Variants in SCARB1 observed in about 807,000 individuals in gnomAD.
The protein encoded by SCARB1 is scavenger receptor class B member 1, also known as CD36 and LIMPII analogous 1.
In SCARB1, 30 loss-of-function variants were observed where a neutral mutation model predicts 57.2. That is an observed-to-expected ratio of 0.52 (90% CI 0.39 to 0.71). The LOEUF is 0.71. Ranked by LOEUF, SCARB1 falls within the 30% of genes least tolerant of loss-of-function variation. The probability of loss-of-function intolerance (pLI) is 0.00; values close to 1 mark genes in which losing one functional copy is unlikely to be tolerated. For missense variants in SCARB1, 543 were observed against 671.2 expected (o/e 0.81, Z 2.11); for synonymous variants, 249 against 268.3 (o/e 0.93, Z 0.70).
At chr12:124,818,989 T>C (rs1566195726) in intron 1 of SCARB1, among the ~76,000 whole-genome samples, 1 of 152,028 alleles carries the variant, frequency 6.6e-6, no homozygotes, top group Non-Finnish European at 1.5e-5. Context: ...TAGCTGGGCA[T>C]GGTGCTGCAC....
intron 8 of SCARB1, among the ~76,000 whole-genome samples, chr12:124,797,806 G>A (rs1398135131): frequency 2.0e-5 from 3 of 152,226 alleles, no homozygotes; most frequent in Non-Finnish European, 4.4e-5. Context: ...CGGCTAAGGA[G>A]GCCTGGGAGG....
At chr12:124,844,797 A>AT (rs962506665) in intron 1 of SCARB1, among the ~76,000 whole-genome samples, 31 of 148,272 alleles carry the variant, frequency 2.1e-4, no homozygotes, top group Non-Finnish European at 2.8e-4. Context: ...TGTTATGGAC[A>AT]TTTTTTTCTT....
chr12:124,840,397 C>T (rs1156274322), intron 1 of SCARB1, among the ~76,000 whole-genome samples: 5 of 152,142 alleles, frequency 3.3e-5, no homozygotes, highest in African/African-American at 4.8e-5. Context: ...AGGCTGGCCT[C>T]GAACTCCTGA....
In SCARB1 at chr12:124,821,305, G is replaced by A. The variant is rs1439659017; in HGVS notation, c.127-3598C>T. 3.4e-6 allele frequency: 3 copies of A among 885,272 alleles called. No homozygotes were observed. In the African/African-American group the frequency reaches 5.5e-5, roughly 16 times the overall value. 54.8% of individuals were successfully genotyped at this position (885,272 alleles called of 1,614,324 possible). On this transcript the variant is annotated intron_variant, in intron 1 of 12. Transcript: ENST00000261693. ...ACACACGCAGCCTCAATTTCCCTTTGCAGCCTCCCTCTCCCACCTGGTTTC... is the reference window on the plus strand; with the variant it reads ...ACACACGCAGCCTCAATTTCCCTTTACAGCCTCCCTCTCCCACCTGGTTTC...
At chr12:124,826,313 A>G (rs1271035804) in intron 1 of SCARB1, among the ~76,000 whole-genome samples, 1 of 145,046 alleles carries the variant, frequency 6.9e-6, no homozygotes, top group African/African-American at 2.6e-5. Context: ...CCTGGGTGAC[A>G]GAGCGAGACC....
chr12:124,830,664 G>A (rs967295057), intron 1 of SCARB1, among the ~76,000 whole-genome samples: 3 of 152,128 alleles, frequency 2.0e-5, no homozygotes, highest in South Asian at 2.1e-4. Flanking sequence ...TGACAGGGAG[G>A]GGTGCGGGGG....
chr12:124,843,292 G>GC lies in SCARB1; in HGVS notation c.126+20302_126+20303insG, dbSNP rs200042285. On this transcript the variant is annotated intron_variant, in intron 1 of 12. Transcript: ENST00000261693. ...TTGTTTCTTACTTTCTGTGGAGATG[G>GC]GGGGGGGGGTCTTACTATGTTACCC... is the stretch of plus-strand genomic sequence containing the variant. 5.8e-3 allele frequency among the ~76,000 whole-genome samples: 688 copies of GC among 119,174 alleles called. 9 individuals carry two copies. The highest frequency in any genetic ancestry group is 0.017 in the African/African-American group (620 of 36,828). 78.2% of individuals were successfully genotyped at this position (119,174 alleles called of 152,430 possible).
At chr12:124,825,619 C>T (rs902560707) in intron 1 of SCARB1, among the ~76,000 whole-genome samples, 2 of 151,298 alleles carry the variant, frequency 1.3e-5, no homozygotes, top group Non-Finnish European at 2.9e-5. Context: ...TGCAGTGAGC[C>T]GAGATCACAC....
In SCARB1 at chr12:124,817,124, GTATGTGTGTA is replaced by G. The variant is rs1407928913; in HGVS notation, c.284+416_284+425del. 6.4e-5 allele frequency among the ~76,000 whole-genome samples: 7 copies of G among 109,140 alleles called. No homozygotes were observed. The highest frequency in any genetic ancestry group is 1.8e-4 in the Admixed American group (2 of 10,840). The allele number at this position is 109,140 out of a possible 152,430, so 71.6% of individuals were successfully genotyped here. A position where few individuals can be genotyped will look rare whatever the true frequency, so the allele number is the denominator to read the frequency against. On this transcript the variant is annotated intron_variant, in intron 2 of 12. Transcript: ENST00000261693. This position sits in a 1 kb window ranked among gnomAD's most constrained non-coding sequence, Gnocchi z 4.8. Reference sequence around the variant, plus strand: ...TATGTGTATGTACGTGTGTATGTATGTATGTGTGTATGTGTATGTGTATGTGTGTGTATGT... The same window carrying G: ...TATGTGTATGTACGTGTGTATGTATGTGTGTATGTGTATGTGTGTGTATGT...
At chr12:124,832,284 C>T (rs879261375) in intron 1 of SCARB1, among the ~76,000 whole-genome samples, 1 of 152,150 alleles carries the variant, frequency 6.6e-6, no homozygotes, top group Non-Finnish European at 1.5e-5. Flanking sequence ...CTTTGGGAGG[C>T]CAAGGCAGGT....
At chr12:124,832,698 A>T (rs1951456569) in intron 1 of SCARB1, among the ~76,000 whole-genome samples, 1 of 152,200 alleles carries the variant, frequency 6.6e-6, no homozygotes. Context: ...TTTTTGTAAA[A>T]ACACTGACAA....
At chr12:124,821,535 C>G in intron 1 of SCARB1, 6 of 985,312 alleles carry the variant, frequency 6.1e-6, no homozygotes, top group Non-Finnish European at 7.2e-6. Context: ...GGGTTTCAGC[C>G]CATTCATTCA....
At chr12:124,816,483 G>A (rs923881645) in intron 2 of SCARB1, among the ~76,000 whole-genome samples, 1 of 152,216 alleles carries the variant, frequency 6.6e-6, no homozygotes, top group Admixed American at 6.5e-5. Context: ...GTGAATGAGT[G>A]AACGGAATGC....
At position 124,810,228 on chromosome 12, in the gene SCARB1, G is replaced by A. The variant is rs377441377; in HGVS notation, c.788C>T (p.Pro263Leu). 12 of 1,614,114 alleles carry A rather than the reference G, an allele frequency of 7.4e-6. No individual in the cohort carries two copies. Among genetic ancestry groups the A allele is most frequent in the African/African-American group, 1.3e-5 (1 of 75,034 alleles). The change falls in exon 6 of 13, where the codon CCG becomes CTG. Residue 263 changes from proline (P) to leucine (L), a missense_variant. Physicochemically the swap from Pro to Leu is moderately conservative, Grantham distance 98. Transcript: ENST00000261693. The surrounding 1 kb of genome is among the most constrained non-coding windows in gnomAD (Gnocchi z 4.0). Reference sequence around the variant, plus strand: ...CGAGGACTCAGGAGTCATGAAGGGCGGCCACATTTGCCCAGAAGTTCCATT... The same window carrying A: ...CGAGGACTCAGGAGTCATGAAGGGCAGCCACATTTGCCCAGAAGTTCCATT... ...MINGTSGQMWPPFMTPESSLE... is the reference protein window; with the variant it reads ...MINGTSGQMWLPFMTPESSLE...
At chr12:124,798,582 C>T (rs761189348) in intron 8 of SCARB1, among the ~76,000 whole-genome samples, 4 of 152,178 alleles carry the variant, frequency 2.6e-5, no homozygotes, top group Non-Finnish European at 5.9e-5. Flanking sequence ...GTGGCTCACG[C>T]CTATAATCCC....
At chr12:124,802,482 T>G (rs1945883532) in intron 7 of SCARB1, among the ~76,000 whole-genome samples, 1 of 151,968 alleles carries the variant, frequency 6.6e-6, no homozygotes, top group African/African-American at 2.4e-5. Context: ...TCGTGCCTCC[T>G]CCGTGGAGGA....
Position 124,812,317 on chromosome 12 carries a change from A to T in SCARB1, c.631-352T>A, listed in dbSNP as rs1950559412. Among the ~76,000 whole-genome samples the T allele has an allele frequency of 6.6e-6, 1 of 152,212 alleles. No individual in the cohort carries two copies. Among genetic ancestry groups the T allele is most frequent in the African/African-American group, 2.4e-5 (1 of 41,460 alleles). ...TGAGCAATGAAAAAGGAGAAGTGGCATGTCACTTGGGGGGATGCTTTAAGG... is the reference window on the plus strand; with the variant it reads ...TGAGCAATGAAAAAGGAGAAGTGGCTTGTCACTTGGGGGGATGCTTTAAGG... On this transcript the variant is annotated intron_variant, in intron 4 of 12. Transcript: ENST00000261693. The surrounding 1 kb of genome is among the most constrained non-coding windows in gnomAD (Gnocchi z 4.3).
At chr12:124,825,758 C>T (rs575269066) in intron 1 of SCARB1, among the ~76,000 whole-genome samples, 1 of 152,188 alleles carries the variant, frequency 6.6e-6, no homozygotes, top group African/African-American at 2.4e-5. Flanking sequence ...TAAACGCCAT[C>T]GACTTGCAGA....
chr12:124,780,294 C>G (rs1009791430), intron 12 of SCARB1, among the ~76,000 whole-genome samples: 1 of 152,244 alleles, frequency 6.6e-6, no homozygotes, highest in Non-Finnish European at 1.5e-5. Flanking sequence ...AGTGGACACA[C>G]AGTTTACCAA....
Sources: gnomAD v4.1 joint callset for allele counts (sites outside exome capture counted in the v4.1 genomes callset) on GRCh38, gnomAD v4.1.1 for gene constraint, Gnocchi (gnomAD v3.1) non-coding constraint, MANE v1.5 for transcripts, NCBI Gene and HGNC (gene_info 2026-07-23, HGNC 2026-07-21) for gene names.